Variants in EWSR1 observed in about 807,000 individuals in gnomAD.
EWSR1 encodes EWS RNA binding protein 1.
Under a neutral mutation model 92.1 loss-of-function variants are expected in EWSR1, and 14 were observed. That is an observed-to-expected ratio of 0.15 (90% CI 0.10 to 0.24). EWSR1 has a LOEUF of 0.24. Ranked by LOEUF, EWSR1 falls within the 10% of genes least tolerant of loss-of-function variation. The probability of loss-of-function intolerance (pLI) is 1.00; values close to 1 mark genes in which losing one functional copy is unlikely to be tolerated. For missense variants in EWSR1, 637 were observed against 870.9 expected (o/e 0.73, Z 3.38); for synonymous variants, 303 against 292.9 (o/e 1.03, Z -0.35).
chr22:29,277,959 G>C, intron 4 of EWSR1, 71 bp from the exon 5 acceptor site: 1 of 1,372,838 alleles, frequency 7.3e-7, no homozygotes. Flanking sequence ...TTTACAAATT[G>C]TTCTGATAAT....
intron 13 of EWSR1, 94 bp downstream of exon 13, chr22:29,298,043 T>G: frequency 2.9e-6 from 4 of 1,385,634 alleles, no homozygotes; most frequent in African/African-American, 1.4e-5. Context: ...AAATATAAAA[T>G]TGTGTGTAGA....
chr22:29,268,568 G>T (rs567389929), intron 1 of EWSR1, among the ~76,000 whole-genome samples: 4 of 152,240 alleles, frequency 2.6e-5, no homozygotes, highest in East Asian at 3.9e-4. Context: ...CGCGCGGGGG[G>T]CTTGCTGCGG....
intron 1 of EWSR1, chr22:29,269,666 A>G (rs930537015): frequency 2.5e-4 from 38 of 152,232 alleles, no homozygotes; most frequent in Non-Finnish European, 1.5e-5. Flanking sequence ...TAAACAGGTA[A>G]GTGTTGGCTG....
At chr22:29,287,175 T>C (rs770059544) in intron 7 of EWSR1, 41 bp downstream of exon 7, 48 of 1,576,054 alleles carry the variant, frequency 3.0e-5, no homozygotes, top group Non-Finnish European at 4.0e-5. Flanking sequence ...AATGAATGTG[T>C]TTAGAGTTTT....
rs368705995 is a variant in EWSR1 at position 29,273,840 on chromosome 22, A to G, written c.202A>G (p.Thr68Ala). ...TATYGQTAYATSYGQPPTGYT... is the reference protein window; with the variant it reads ...TATYGQTAYAASYGQPPTGYT... ...AACCTATGGGCAGACCGCCTATGCA[A>G]CTTCTTATGGACAGCCTCCCACTGG... is the stretch of plus-strand genomic sequence containing the variant. The change falls in exon 4 of 17, where the codon ACT (threonine) becomes GCT (alanine). Residue 68 changes from threonine (T) to alanine (A), a missense_variant. Physicochemically the swap from Thr to Ala is moderately conservative, Grantham distance 58. This residue lies in a region of EWSR1 where 144 missense variants were observed against 189.0 expected (regional missense o/e 0.76). Coordinates refer to ENST00000397938, the MANE Select transcript of EWSR1 (RefSeq NM_005243.4). 4.9e-5 allele frequency: 79 copies of G among 1,613,944 alleles called. No homozygotes were observed. Among genetic ancestry groups the G allele is most frequent in the Non-Finnish European group, 6.1e-5 (72 of 1,179,938 alleles).
chr22:29,272,276 AT>A, intron 2 of EWSR1, 24 bp downstream of exon 2: 10 of 1,613,808 alleles, frequency 6.2e-6, no homozygotes, highest in Non-Finnish European at 6.8e-6. Context: ...TTATAACCGT[AT>A]TTTGTGTGTG....
chr22:29,282,392 C>G lies in EWSR1; in HGVS notation c.416C>G (p.Pro139Arg), dbSNP rs765207539. Residue 139 changes from proline (P) to arginine (R), a missense_variant and splice_region_variant, in exon 6 of 17, where the codon CCG (proline) becomes CGG (arginine). Pro to Arg is a moderately radical substitution (Grantham distance 103). Around this residue, in one of 5 missense-constraint regions of EWSR1, gnomAD observed 144 missense variants for 189.0 expected, o/e 0.76. Transcript: ENST00000397938. ...TTATTTATTATTTCTCCTCTTAGAC[C>G]GCAGGATGGAAACAAGCCCACTGAG... is the stretch of plus-strand genomic sequence containing the variant. ...QQPAATAPTR[P>R]QDGNKPTETS... is the part of the protein sequence containing the mutation. 1 of 1,576,072 alleles carries G rather than the reference C, an allele frequency of 6.3e-7. No homozygotes were observed. Among genetic ancestry groups the G allele is most frequent in the Admixed American group, 2.0e-5 (1 of 50,620 alleles).
At chr22:29,281,726 G>A (rs1188379837) in intron 5 of EWSR1, among the ~76,000 whole-genome samples, 5 of 151,778 alleles carry the variant, frequency 3.3e-5, no homozygotes, top group African/African-American at 9.7e-5. Context: ...GACTACAGGC[G>A]CCCACCACCA....
At chr22:29,272,875 T>G (rs1208907232) in intron 3 of EWSR1, among the ~76,000 whole-genome samples, 2 of 152,232 alleles carry the variant, frequency 1.3e-5, no homozygotes, top group African/African-American at 2.4e-5. Flanking sequence ...AAGGAGCTGC[T>G]GAGCTCTTTC....
chr22:29,286,530 C>CA (rs1285672205), intron 6 of EWSR1, among the ~76,000 whole-genome samples: 1 of 151,148 alleles, frequency 6.6e-6, no homozygotes, highest in Non-Finnish European at 1.5e-5. Flanking sequence ...CTACTAAAAA[C>CA]AAAAAAACTA....
intron 6 of EWSR1, among the ~76,000 whole-genome samples, chr22:29,285,137 T>G (rs994885565): frequency 2.7e-5 from 4 of 146,664 alleles, no homozygotes; most frequent in African/African-American, 1.1e-4. Flanking sequence ...TTTTTTTTTT[T>G]TTTTGAGATG....
rs553968153 is a variant in EWSR1 at position 29,285,782 on chromosome 22, T to C, written c.582-1141T>C. Among the ~76,000 whole-genome samples, 66 of 151,568 alleles carry C rather than the reference T, an allele frequency of 4.4e-4. 1 individual carries two copies. Among genetic ancestry groups the C allele is most frequent in the Non-Finnish European group, 6.5e-4 (44 of 68,032 alleles). The stretch of plus-strand genomic sequence containing the variant: ...CCCCAAGTGCATATTCTTGCCACAA[T>C]ACAGGAAGCATCTAAACTCCCATAT... On this transcript the variant is annotated intron_variant, in intron 6 of 16. Coordinates refer to ENST00000397938, the MANE Select transcript of EWSR1 (RefSeq NM_005243.4).
rs543874974 is a variant in EWSR1, at chr22:29,296,554, G to A, written c.1294+186G>A. On this transcript the variant is annotated intron_variant, in intron 12 of 16. Coordinates refer to ENST00000397938, the MANE Select transcript of EWSR1 (RefSeq NM_005243.4). ...GGATTTGGAGATCCCTTTATTTTGA[G>A]GCATTAGTATTACAAATCAACCTTG... is the stretch of plus-strand genomic sequence containing the variant. Among the ~76,000 whole-genome samples the A allele has an allele frequency of 1.5e-4, 23 of 152,254 alleles. No homozygotes were observed. In the South Asian group the frequency reaches 4.6e-3, roughly 30 times the overall value.
chr22:29,280,847 G>A (rs1442507683), intron 5 of EWSR1, among the ~76,000 whole-genome samples: 1 of 120,970 alleles, frequency 8.3e-6, no homozygotes, highest in African/African-American at 3.1e-5. Context: ...CTAATTTTGT[G>A]TGTGTGTGTG....
chr22:29,277,586 A>T (rs1464430544), intron 4 of EWSR1: 3 of 230,682 alleles, frequency 1.3e-5, no homozygotes, highest in African/African-American at 2.2e-5. Flanking sequence ...AATTATTTTA[A>T]AATGCTATGT....
intron 5 of EWSR1, among the ~76,000 whole-genome samples, chr22:29,280,480 C>G (rs2059473579): frequency 6.6e-6 from 1 of 152,114 alleles, no homozygotes; most frequent in African/African-American, 2.4e-5. Flanking sequence ...CTGGAGTTTT[C>G]CTTGGAACTG....
intron 4 of EWSR1, among the ~76,000 whole-genome samples, chr22:29,275,179 T>TA (rs2059006628): frequency 6.6e-6 from 1 of 152,236 alleles, no homozygotes; most frequent in South Asian, 2.1e-4. Flanking sequence ...TTTGGATTTT[T>TA]TAGCATAGAA....
intron 15 of EWSR1, 99 bp from the exon 16 acceptor site, chr22:29,299,500 G>T: frequency 2.7e-6 from 4 of 1,498,258 alleles, no homozygotes; most frequent in Non-Finnish European, 3.6e-6. Context: ...TGTCTGGTTT[G>T]TTCTGCTGTG....
intron 4 of EWSR1, 21 bp from the exon 5 acceptor site, chr22:29,278,009 T>C (rs1263223973): frequency 6.2e-7 from 1 of 1,605,438 alleles, no homozygotes; most frequent in East Asian, 2.2e-5. Flanking sequence ...TGAAATCTGA[T>C]GCAGCTCTCC....
Sources: gnomAD v4.1 joint callset for allele counts (sites outside exome capture counted in the v4.1 genomes callset) on GRCh38, gnomAD v4.1.1 for gene constraint, gnomAD v4.1.1 regional missense constraint, MANE v1.5 for transcripts, NCBI Gene and HGNC (gene_info 2026-07-23, HGNC 2026-07-21) for gene names.